Variants in ROBO2 observed in about 807,000 individuals in gnomAD.
ROBO2 encodes the protein roundabout homolog 2.
ROBO2 carries 53 observed loss-of-function variants against 160.8 expected under a neutral mutation model. That is an observed-to-expected ratio of 0.33 (90% CI 0.26 to 0.41). The LOEUF (loss-of-function observed/expected upper bound fraction) is 0.41. Among genes scored for constraint, ROBO2 ranks in the 10% least tolerant of loss-of-function variants. The pLI, the probability that ROBO2 is intolerant of heterozygous loss-of-function variation, is 1.00. For missense variants in ROBO2, 1,577 were observed against 1,722.4 expected, an observed-to-expected ratio of 0.92 and a Z score of 1.49; for synonymous variants, 664 against 611.7, an observed-to-expected ratio of 1.09 and a Z score of -1.26.
intron 7 of ROBO2, 45 bp from the exon 9 acceptor site, chr3:77,550,773 T>C: frequency 6.2e-7 from 1 of 1,602,580 alleles, no homozygotes; most frequent in South Asian, 1.1e-5. Context: ...CATAATTTTT[T>C]TAAGTGGAAA....
intron 2 of ROBO2, among the ~76,000 whole-genome samples, chr3:77,436,676 C>G (rs1225960643): frequency 6.6e-6 from 1 of 151,744 alleles, no homozygotes; most frequent in Admixed American, 6.6e-5. Context: ...TGTAGAGATA[C>G]TGGATTTCAG....
chr3:76,218,155 A>G (rs1308819984), intron 2 of ROBO2, among the ~76,000 whole-genome samples: 1 of 152,234 alleles, frequency 6.6e-6, no homozygotes, highest in Non-Finnish European at 1.5e-5. Flanking sequence ...TACTGATGGG[A>G]CATATCTCAA....
intron 2 of ROBO2, among the ~76,000 whole-genome samples, chr3:76,936,832 C>T (rs902842256): frequency 4.6e-5 from 7 of 151,106 alleles, no homozygotes; most frequent in Non-Finnish European, 1.0e-4. Context: ...ACCTTAGTTC[C>T]TTTTGTTAAT....
chr3:77,546,752 T>G (rs745616530), intron 7 of ROBO2, among the ~76,000 whole-genome samples: 6 of 152,090 alleles, frequency 3.9e-5, no homozygotes, highest in Non-Finnish European at 5.9e-5. Flanking sequence ...CTATTTAAAA[T>G]CTGTGAAGGT....
chr3:76,703,364 T>G (rs1251632867), intron 2 of ROBO2, among the ~76,000 whole-genome samples: 1 of 152,126 alleles, frequency 6.6e-6, no homozygotes, highest in Non-Finnish European at 1.5e-5. Flanking sequence ...TCATTTATTT[T>G]GTTTTGTTTT....
intron 2 of ROBO2, among the ~76,000 whole-genome samples, chr3:76,624,979 T>C (rs2109339049): frequency 6.6e-6 from 1 of 152,200 alleles, no homozygotes; most frequent in Non-Finnish European, 1.5e-5. Flanking sequence ...TTCTAAATCA[T>C]TTCTAATGCT....
At chr3:76,394,755 C>G (rs2077340022) in intron 2 of ROBO2, among the ~76,000 whole-genome samples, 1 of 152,088 alleles carries the variant, frequency 6.6e-6, no homozygotes, top group Admixed American at 6.6e-5. Flanking sequence ...GTAAAGGGAT[C>G]AATTCAACAA....
intron 2 of ROBO2, among the ~76,000 whole-genome samples, chr3:76,639,408 A>G (rs1014040969): frequency 6.6e-6 from 1 of 151,984 alleles, no homozygotes; most frequent in Non-Finnish European, 1.5e-5. Flanking sequence ...ATACACATAC[A>G]TACATAAATA....
intron 2 of ROBO2, among the ~76,000 whole-genome samples, chr3:76,639,370 A>T (rs1319265557): frequency 6.6e-6 from 1 of 151,866 alleles, no homozygotes; most frequent in Non-Finnish European, 1.5e-5. Context: ...ATATACCTGC[A>T]TATGTTTGTA....
chr3:77,500,771 A>C (rs2087473357), intron 5 of ROBO2, among the ~76,000 whole-genome samples: 1 of 152,134 alleles, frequency 6.6e-6, no homozygotes, highest in African/African-American at 2.4e-5. Flanking sequence ...TTAACACAAA[A>C]CTAATTGCCA....
At chr3:76,101,920 C>A (rs1359860818) in intron 2 of ROBO2, among the ~76,000 whole-genome samples, 2 of 143,256 alleles carry the variant, frequency 1.4e-5, no homozygotes, top group African/African-American at 5.3e-5. Flanking sequence ...CCCATTGTAC[C>A]CCAGGGTGTG....
At chr3:76,468,289 T>C (rs1013507317) in intron 2 of ROBO2, among the ~76,000 whole-genome samples, 2 of 152,138 alleles carry the variant, frequency 1.3e-5, no homozygotes, top group South Asian at 2.1e-4. Flanking sequence ...AATAACTACA[T>C]TTGACATTGG....
rs1404998220 is a variant in ROBO2, at chr3:76,167,509, T to A, written c.109+229907T>A. 2.0e-5 allele frequency among the ~76,000 whole-genome samples: 3 copies of A among 152,190 alleles called. No homozygotes were observed. In the East Asian group the frequency reaches 5.8e-4, roughly 29 times the overall value. ...TATCTTGTGCATCCTTCTATTATAG[T>A]ATTTATGCTGTCATATCATGCACGT... On this transcript the variant is annotated intron_variant, in intron 2 of 26. Coordinates refer to the ROBO2 transcript ENST00000487694.
chr3:76,578,551 C>T (rs1220370051), intron 2 of ROBO2, among the ~76,000 whole-genome samples: 1 of 152,086 alleles, frequency 6.6e-6, no homozygotes, highest in Non-Finnish European at 1.5e-5. Context: ...CCCTCTTGAC[C>T]TCGCAGCTGC....
intron 20 of ROBO2, chr3:77,604,169 T>C (rs1438493943): frequency 6.6e-6 from 1 of 152,196 alleles, no homozygotes; most frequent in Non-Finnish European, 1.5e-5. Flanking sequence ...AGCTATATTA[T>C]AGAATCCAGA....
At chr3:76,713,784 G>C (rs1286277205) in intron 2 of ROBO2, among the ~76,000 whole-genome samples, 1 of 152,012 alleles carries the variant, frequency 6.6e-6, no homozygotes, top group Non-Finnish European at 1.5e-5. Flanking sequence ...CTATTTTTAA[G>C]TAGTTTAGTA....
At chr3:77,117,200 T>G (rs911528273) in intron 2 of ROBO2, among the ~76,000 whole-genome samples, 1 of 152,196 alleles carries the variant, frequency 6.6e-6, no homozygotes, top group Non-Finnish European at 1.5e-5. Context: ...ATGAAATAGT[T>G]ACTTGGAATT....
chr3:77,106,354 A>G (rs1280210084), intron 2 of ROBO2, among the ~76,000 whole-genome samples: 1 of 152,160 alleles, frequency 6.6e-6, no homozygotes, highest in African/African-American at 2.4e-5. Flanking sequence ...CTTACTATAA[A>G]TTTTTAATTT....
intron 2 of ROBO2, among the ~76,000 whole-genome samples, chr3:76,544,816 A>G (rs1360389629): frequency 6.6e-6 from 1 of 152,042 alleles, no homozygotes; most frequent in Non-Finnish European, 1.5e-5. Context: ...AAGCTCTTAG[A>G]AAAGTGGCTG....
Sources: allele counts gnomAD v4.1 joint callset (sites outside exome capture counted in the v4.1 genomes callset), GRCh38; gene constraint gnomAD v4.1.1; transcripts MANE v1.5; gene names NCBI Gene and HGNC (gene_info 2026-07-23, HGNC 2026-07-21).